The following DNAH17 variants were observed in gnomAD, a reference collection of about 807,000 sequenced individuals.
The protein encoded by DNAH17 is axonemal beta dynein heavy chain 17.
DNAH17 carries 376 observed loss-of-function variants against 485.6 expected under a neutral mutation model. The ratio of observed to expected loss-of-function variants is 0.77; its 90% confidence interval spans 0.71 to 0.84. The LOEUF is 0.84. Ranked by LOEUF, DNAH17 falls within the 40% of genes least tolerant of loss-of-function variation. The pLI is 0.00. For synonymous variants in DNAH17, 3,031 were observed against 2,405.9 expected, an observed-to-expected ratio of 1.26 and a Z score of -7.60; for missense variants, 6,370 against 5,839.3, an observed-to-expected ratio of 1.09 and a Z score of -2.96.
chr17:78,574,117 G>A (rs1413747545), intron 2 of DNAH17, among the ~76,000 whole-genome samples: 3 of 152,198 alleles, frequency 2.0e-5, no homozygotes, highest in Admixed American at 2.0e-4. Context: ...CAGTCTCAAT[G>A]CTGTCCAGAG....
chr17:78,551,200 C>G (rs2091893340), intron 16 of DNAH17, among the ~76,000 whole-genome samples: 1 of 152,230 alleles, frequency 6.6e-6, no homozygotes. Context: ...TGAGTTAGAA[C>G]TGTACTGCTT....
Position 78,531,483 on chromosome 17 carries a change from C to A in DNAH17, c.3115-971G>T, listed in dbSNP as rs140081361. ...CCTCCCGAGTAGCTGGAACTACAGG[C>A]GCCTGCCACCACGCCCAGCTAATTT... On this transcript the variant is annotated intron_variant, in intron 20 of 80. Coordinates refer to ENST00000389840, the MANE Select transcript of DNAH17 (RefSeq NM_173628.4). Among the ~76,000 whole-genome samples the A allele has an allele frequency of 2.0e-5, 3 of 151,990 alleles. No individual in the cohort carries two copies. The East Asian group carries it at 5.8e-4, about 29-fold the overall frequency.
intron 58 of DNAH17, 124 bp from the exon 59 acceptor site, chr17:78,460,381 T>TATGCAC: frequency 5.3e-6 from 4 of 753,592 alleles, no homozygotes; most frequent in Non-Finnish European, 8.7e-6. Context: ...TGAGTGTATG[T>TATGCAC]GTGCATATAT....
chr17:78,558,203 CTT>C lies in DNAH17; in HGVS notation c.2081_2082del (p.Lys694ArgfsTer31), dbSNP rs774416324. ...AGACTCTCCGCACTGTCTGGAATCT[CTT>C]TCTGTTGCTGGAAATTCAAATACTT... Reference protein sequence around the residue: ...EVKYLNFQQQKEIPDSAESLF... With the variant: ...EVKYLNFQQQXEIPDSAESLF... On this transcript the variant is annotated frameshift_variant, in exon 14 of 81. Coordinates refer to ENST00000389840, the MANE Select transcript of DNAH17 (RefSeq NM_173628.4). LOFTEE classifies it high-confidence loss of function. The C allele has an allele frequency of 1.2e-6, 2 of 1,613,704 alleles. No individual in the cohort carries two copies. Among genetic ancestry groups the C allele is most frequent in the Non-Finnish European group, 1.7e-6 (2 of 1,179,826 alleles).
intron 33 of DNAH17, 56 bp from the exon 34 acceptor site, chr17:78,501,929 G>A: frequency 1.9e-6 from 3 of 1,604,966 alleles, no homozygotes; most frequent in Non-Finnish European, 2.6e-6. Context: ...GCACTGGGGG[G>A]TCTTGTGGCT....
In DNAH17 at chr17:78,444,636, G is replaced by A. The variant is rs752811222; in HGVS notation, c.11496C>T (p.Cys3832=). 6.3e-7 allele frequency: 1 copy of A among 1,594,192 alleles called. No homozygotes were observed. The highest frequency in any genetic ancestry group is 8.5e-7 in the Non-Finnish European group (1 of 1,171,172). ...CGTAGGTCATGCGATCTGGCCGCAG[G>A]CAGCGCACCATGCACAGCTTCTGCA... The part of the protein sequence containing the change: ...TALQKLCMVR[C]LRPDRMTYAI... Residue 3832 remains cysteine, a synonymous_variant, in exon 71 of 81, where the codon TGC becomes TGT. Transcript: ENST00000389840.
rs71160294 is a variant in DNAH17 at position 78,425,756 on chromosome 17, C to CTTTTTTTTTTTTTT, written c.12916-199_12916-186dup. Among the ~76,000 whole-genome samples the CTTTTTTTTTTTTTT allele has an allele frequency of 2.2e-4, 26 of 120,726 alleles. 1 individual carries two copies. The highest frequency in any genetic ancestry group is 9.5e-4 in the African/African-American group (25 of 26,220). The allele number at this position is 120,726 out of a possible 152,430, so 79.2% of individuals were successfully genotyped here. A position where few individuals can be genotyped will look rare whatever the true frequency, so the allele number is the denominator to read the frequency against. On this transcript the variant is annotated intron_variant, in intron 79 of 80. Transcript: ENST00000389840. The stretch of plus-strand genomic sequence containing the variant: ...TACCATGACGCAACTTTGGTGTCTG[C>CTTTTTTTTTTTTTT]TTTTTTTTTTTTTTTTTTTTTTTTT...
At chr17:78,518,394 A>G (rs2090844751) in intron 25 of DNAH17, among the ~76,000 whole-genome samples, 1 of 152,230 alleles carries the variant, frequency 6.6e-6, no homozygotes, top group African/African-American at 2.4e-5. Flanking sequence ...GAAAATTCCT[A>G]GAGACAAAAG....
chr17:78,458,723 C>CA, intron 61 of DNAH17, 43 bp from the exon 62 acceptor site: 1 of 1,531,150 alleles, frequency 6.5e-7, no homozygotes, highest in Non-Finnish European at 9.1e-7. Flanking sequence ...CCCCACGAGG[C>CA]ATCTCTAGCC....
chr17:78,467,974 C>T lies in DNAH17; in HGVS notation c.8778+643G>A, dbSNP rs559321801. ...CAGAGGTTGCAGTGAGCTAAGATCA[C>T]GCCATTGCACTCCAGCCTGGGCGAC... is the stretch of plus-strand genomic sequence containing the variant. On this transcript the variant is annotated intron_variant, in intron 55 of 80. Transcript: ENST00000389840. Among the ~76,000 whole-genome samples the T allele has an allele frequency of 1.0e-4, 15 of 148,836 alleles. No homozygotes were observed. The South Asian group carries it at 2.5e-3, about 25-fold the overall frequency.
intron 17 of DNAH17, among the ~76,000 whole-genome samples, chr17:78,543,569 C>T (rs538349954): frequency 2.0e-4 from 31 of 152,186 alleles, no homozygotes; most frequent in African/African-American, 7.2e-4. Context: ...GGATTACAGG[C>T]GTGAGCCACC....
intron 27 of DNAH17, 43 bp downstream of exon 27, chr17:78,510,341 G>A (rs1351471450): frequency 6.2e-7 from 1 of 1,602,442 alleles, no homozygotes; most frequent in Non-Finnish European, 8.5e-7. Flanking sequence ...GCAGTTTCAG[G>A]CTGATCCCAC....
intron 14 of DNAH17, among the ~76,000 whole-genome samples, chr17:78,555,985 G>A (rs1481180293): frequency 6.6e-6 from 1 of 152,168 alleles, no homozygotes; most frequent in African/African-American, 2.4e-5. Flanking sequence ...CTGCTTTCCT[G>A]AGTTTCCAAC....
intron 55 of DNAH17, 118 bp downstream of exon 55, chr17:78,468,499 G>A: frequency 7.5e-7 from 1 of 1,337,852 alleles, no homozygotes. Context: ...CTCCTAACAG[G>A]ATTTCACATC....
At chr17:78,454,998 C>A (rs896772294) in intron 63 of DNAH17, among the ~76,000 whole-genome samples, 5 of 152,108 alleles carry the variant, frequency 3.3e-5, no homozygotes, top group African/African-American at 1.2e-4. Context: ...TAACCTCTGT[C>A]TCTCGAGTTC....
At chr17:78,453,526 C>A in intron 64 of DNAH17, 61 bp from the exon 65 acceptor site, 1 of 1,596,046 alleles carries the variant, frequency 6.3e-7, no homozygotes, top group Non-Finnish European at 8.6e-7. Flanking sequence ...ACGGTGCGCA[C>A]GCTCCGACCA....
intron 17 of DNAH17, among the ~76,000 whole-genome samples, chr17:78,542,964 C>T (rs912406276): frequency 1.3e-5 from 2 of 152,208 alleles, no homozygotes; most frequent in Admixed American, 1.3e-4. Flanking sequence ...AGTATGAAGA[C>T]GTTACTTGGC....
At chr17:78,537,859 C>T (rs1199281244) in intron 18 of DNAH17, among the ~76,000 whole-genome samples, 1 of 152,238 alleles carries the variant, frequency 6.6e-6, no homozygotes, top group Non-Finnish European at 1.5e-5. Context: ...ACATTGTTGG[C>T]TAGGCGCAGT....
chr17:78,481,425 C>G (rs897293762), intron 48 of DNAH17, among the ~76,000 whole-genome samples: 2 of 152,132 alleles, frequency 1.3e-5, no homozygotes, highest in African/African-American at 4.8e-5. Context: ...ATATGTGAAG[C>G]AGCTGCTGTG....
Sources: gnomAD v4.1 joint callset for allele counts (sites outside exome capture counted in the v4.1 genomes callset) on GRCh38, gnomAD v4.1.1 for gene constraint, MANE v1.5 for transcripts, NCBI Gene and HGNC (gene_info 2026-07-23, HGNC 2026-07-21) for gene names.